TAMM41: variants seen among roughly 807,000 people sequenced by gnomAD.
TAMM41 encodes TAM41 mitochondrial translocator assembly and maintenance homolog.
In TAMM41, 36 loss-of-function variants were observed where a neutral mutation model predicts 44.1. The observed-to-expected ratio is 0.82, with a 90% CI of 0.63 to 1.08. The LOEUF (loss-of-function observed/expected upper bound fraction) is 1.08, where lower values mean the gene tolerates loss of function less well. Ranked by LOEUF, TAMM41 falls within the 50% of genes least tolerant of loss-of-function variation. The pLI is 0.00. For missense variants in TAMM41, 417 were observed against 404.3 expected (o/e 1.03, Z -0.27); for synonymous variants, 164 against 153.1 (o/e 1.07, Z -0.53).
chr3:11,812,736 G>A (rs1032006086), intron 5 of TAMM41, among the ~76,000 whole-genome samples: 12 of 152,314 alleles, frequency 7.9e-5, no homozygotes, highest in African/African-American at 2.6e-4. Flanking sequence ...TGGTCATCAG[G>A]AGCTGGGGTG....
At chr3:11,742,239 T>A in the TAMM41 span, among the ~76,000 whole-genome samples, 8 of 150,144 alleles carry the variant, frequency 5.3e-5, no homozygotes, top group Admixed American at 1.3e-4. Flanking sequence ...CCCCTCCCAC[T>A]GTGCCCTCTC....
chr3:11,841,122 G>C (rs192637346), intron 2 of TAMM41, among the ~76,000 whole-genome samples: 70 of 101,126 alleles, frequency 6.9e-4, no homozygotes, highest in African/African-American at 2.2e-3. Context: ...TTACTCTGTT[G>C]CCCATGCTGG....
At chr3:11,794,264 G>A (rs939612811) in intron 7 of TAMM41, among the ~76,000 whole-genome samples, 2 of 151,828 alleles carry the variant, frequency 1.3e-5, no homozygotes, top group Non-Finnish European at 2.9e-5. Context: ...ATCTTCCTGA[G>A]TAGCTGGGGC....
chr3:11,785,281 G>A, the TAMM41 span, among the ~76,000 whole-genome samples: 1 of 152,138 alleles, frequency 6.6e-6, no homozygotes, highest in Admixed American at 6.5e-5. Flanking sequence ...GTCTGCAACT[G>A]CAGCAGCAGT....
the TAMM41 span, among the ~76,000 whole-genome samples, chr3:11,776,639 A>G: frequency 2.0e-5 from 3 of 152,164 alleles, no homozygotes; most frequent in African/African-American, 4.8e-5. Flanking sequence ...AGTGCACTCT[A>G]TGACGCTCAC....
chr3:11,741,813 GT>G, the TAMM41 span, among the ~76,000 whole-genome samples: 1 of 149,974 alleles, frequency 6.7e-6, no homozygotes, highest in Admixed American at 6.6e-5. Context: ...GCTTAAGGTC[GT>G]TATTAAGTAA....
At chr3:11,761,404 A>G in the TAMM41 span, among the ~76,000 whole-genome samples, 1 of 151,908 alleles carries the variant, frequency 6.6e-6, no homozygotes, top group East Asian at 1.9e-4. Flanking sequence ...AGTTGCCTCT[A>G]TCCAGCCCCT....
chr3:11,767,304 A>G, the TAMM41 span, among the ~76,000 whole-genome samples: 1 of 152,002 alleles, frequency 6.6e-6, no homozygotes, highest in Non-Finnish European at 1.5e-5. Context: ...CCTGACTTCA[A>G]GTGATCTGCC....
chr3:11,843,890 A>G (rs906102243), intron 2 of TAMM41, 139 bp downstream of exon 2: 1 of 833,278 alleles, frequency 1.2e-6, no homozygotes, highest in Non-Finnish European at 1.8e-6. Context: ...CTATAAAAAC[A>G]TACATATTTC....
chr3:11,775,871 A>G, the TAMM41 span, among the ~76,000 whole-genome samples: 6 of 152,094 alleles, frequency 3.9e-5, no homozygotes, highest in African/African-American at 1.4e-4. Flanking sequence ...TTTCTTTTTT[A>G]AGAGAAGTGT....
chr3:11,846,507 G>T lies in TAMM41; in HGVS notation c.130C>A (p.Gln44Lys). ...VYRQAGPSSD[Q>K]KNAMLDFVFT... ...GTGGGGCTGCCCGGGCTCACCTTCT[G>T]GTCTGAACTCGGCCCTGCCTGGCGG... is the stretch of plus-strand genomic sequence containing the variant. Residue 44 changes from glutamine to lysine, a missense_variant, in exon 1 of 8, where the codon CAG becomes AAG. By Grantham distance (53) the Gln-to-Lys change is moderately conservative. Coordinates refer to ENST00000455809, the MANE Select transcript of TAMM41 (RefSeq NM_001284401.2). 2 of 1,614,170 alleles carry T rather than the reference G, an allele frequency of 1.2e-6. No individual in the cohort carries two copies. Among genetic ancestry groups the T allele is most frequent in the Non-Finnish European group, 8.5e-7 (1 of 1,180,028 alleles).
chr3:11,846,274 A>G (rs529223066), intron 1 of TAMM41, among the ~76,000 whole-genome samples: 1 of 152,334 alleles, frequency 6.6e-6, no homozygotes, highest in African/African-American at 2.4e-5. Flanking sequence ...CCTTCTGCCT[A>G]ACTGCTTCTC....
chr3:11,838,702 C>T (rs200973140), intron 3 of TAMM41, among the ~76,000 whole-genome samples: 3 of 151,938 alleles, frequency 2.0e-5, no homozygotes, highest in East Asian at 3.9e-4. Context: ...TCAGAACCCC[C>T]TTTTTTTTAT....
chr3:11,729,139 G>T, the TAMM41 span, among the ~76,000 whole-genome samples: 24 of 152,008 alleles, frequency 1.6e-4, no homozygotes, highest in Non-Finnish European at 2.8e-4. Flanking sequence ...CAGAAGGATT[G>T]CTCAGACCCA....
At chr3:11,843,799 G>T in intron 2 of TAMM41, 1 of 501,284 alleles carries the variant, frequency 2.0e-6, no homozygotes, top group South Asian at 3.8e-5. Flanking sequence ...ACATGAGGAA[G>T]GACTCCAGTC....
chr3:11,835,704 A>G (rs2079145252), intron 3 of TAMM41, among the ~76,000 whole-genome samples: 1 of 152,236 alleles, frequency 6.6e-6, no homozygotes, highest in African/African-American at 2.4e-5. Flanking sequence ...TTTAACATTC[A>G]ATTTCATTTC....
chr3:11,811,574 C>A (rs963431723), intron 5 of TAMM41: 1 of 152,214 alleles, frequency 6.6e-6, no homozygotes, highest in African/African-American at 2.4e-5. Flanking sequence ...ATTTTCCTTA[C>A]ACTAACTCTC....
chr3:11,839,827 C>G (rs2079355281), intron 2 of TAMM41, among the ~76,000 whole-genome samples: 1 of 152,204 alleles, frequency 6.6e-6, no homozygotes, highest in African/African-American at 2.4e-5. Context: ...GGGATAGTTT[C>G]TATGATGTCT....
chr3:11,749,821 A>G, the TAMM41 span, among the ~76,000 whole-genome samples: 1 of 151,914 alleles, frequency 6.6e-6, no homozygotes, highest in Non-Finnish European at 1.5e-5. Flanking sequence ...CACTGTGGCC[A>G]TTTGGATACC....
Sources: allele counts gnomAD v4.1 joint callset (sites outside exome capture counted in the v4.1 genomes callset), GRCh38; gene constraint gnomAD v4.1.1; transcripts MANE v1.5; gene names NCBI Gene and HGNC (gene_info 2026-07-23, HGNC 2026-07-21).